PPME1: variants seen among roughly 807,000 people sequenced by gnomAD.
PPME1 encodes testicular secretory protein Li 39.
PPME1 carries 17 observed loss-of-function variants against 56.9 expected under a neutral mutation model. That is an observed-to-expected ratio of 0.30 (90% CI 0.20 to 0.45). The LOEUF (loss-of-function observed/expected upper bound fraction) is 0.45, where lower values mean the gene tolerates loss of function less well. Ranked by LOEUF, PPME1 falls within the 20% of genes least tolerant of loss-of-function variation. PPME1 has a pLI of 1.00. For missense variants in PPME1, 357 were observed against 483.2 expected (o/e 0.74, Z 2.45); for synonymous variants, 122 against 156.2 (o/e 0.78, Z 1.63).
chr11:74,199,906 T>A (rs1347826195), intron 1 of PPME1, among the ~76,000 whole-genome samples: 1 of 152,102 alleles, frequency 6.6e-6, no homozygotes. Flanking sequence ...ATGAGAACAG[T>A]ATAGGGGAAA....
chr11:74,190,635 G>C (rs1857810798), intron 1 of PPME1, among the ~76,000 whole-genome samples: 2 of 152,236 alleles, frequency 1.3e-5, no homozygotes, highest in Non-Finnish European at 2.9e-5. Flanking sequence ...CCGAAGAGTA[G>C]GATGTTGCTA....
intron 1 of PPME1, among the ~76,000 whole-genome samples, chr11:74,196,051 T>G (rs1434151028): frequency 6.6e-6 from 1 of 152,190 alleles, no homozygotes; most frequent in Non-Finnish European, 1.5e-5. Context: ...TTACTAATAA[T>G]CACTTTGCAA....
Position 74,203,724 on chromosome 11 carries a change from T to C in PPME1, c.102-4T>C. 1.2e-6 allele frequency: 2 copies of C among 1,606,006 alleles called. No homozygotes were observed. Among genetic ancestry groups the C allele is most frequent in the Non-Finnish European group, 1.7e-6 (2 of 1,176,440 alleles). On this transcript the variant is annotated splice_region_variant and splice_polypyrimidine_tract_variant and intron_variant, in intron 1 of 13. Transcript: ENST00000328257. ...TGAAATGTCTCTCTCTTTTTTTTCCTCAGCCCTGGAAGAAAGCGGGACTTT... is the reference window on the plus strand; with the variant it reads ...TGAAATGTCTCTCTCTTTTTTTTCCCCAGCCCTGGAAGAAAGCGGGACTTT...
At chr11:74,205,094 G>A (rs1288892533) in intron 3 of PPME1, 1 of 152,090 alleles carries the variant, frequency 6.6e-6, no homozygotes, top group African/African-American at 2.4e-5. Flanking sequence ...TTTTATTTAG[G>A]TGCTTTAGAT....
chr11:74,189,091 A>G (rs1206494499), intron 1 of PPME1, among the ~76,000 whole-genome samples: 1 of 152,146 alleles, frequency 6.6e-6, no homozygotes, highest in African/African-American at 2.4e-5. Flanking sequence ...TTTCCCCCTT[A>G]CATAAAAGAT....
chr11:74,196,351 C>T (rs1857981072), intron 1 of PPME1, among the ~76,000 whole-genome samples: 1 of 152,016 alleles, frequency 6.6e-6, no homozygotes, highest in African/African-American at 2.4e-5. Context: ...GAGTTTTACT[C>T]GTTTTTTACT....
At chr11:74,249,327 G>A (rs1301819526) in intron 11 of PPME1, 2 of 152,186 alleles carry the variant, frequency 1.3e-5, no homozygotes, top group Non-Finnish European at 2.9e-5. Context: ...TACCCCTTGG[G>A]TAAATAATTT....
At chr11:74,188,190 C>CTTTTTTTTT in intron 1 of PPME1, among the ~76,000 whole-genome samples, 1 of 136,762 alleles carries the variant, frequency 7.3e-6, no homozygotes, top group Non-Finnish European at 1.6e-5. Context: ...TCCTTTTTCT[C>CTTTTTTTTT]TTTTTTTTTT....
intron 1 of PPME1, among the ~76,000 whole-genome samples, chr11:74,187,311 G>C (rs1487754375): frequency 6.6e-6 from 1 of 152,268 alleles, no homozygotes; most frequent in East Asian, 1.9e-4. Flanking sequence ...GCATTGCTTT[G>C]AATCTATAGA....
intron 9 of PPME1, among the ~76,000 whole-genome samples, chr11:74,244,322 T>C (rs778293057): frequency 6.6e-6 from 1 of 152,202 alleles, no homozygotes; most frequent in Admixed American, 6.5e-5. Flanking sequence ...TAGTTCTGTT[T>C]TTAATATTTT....
At chr11:74,203,668 C>T in intron 1 of PPME1, 60 bp from the exon 2 acceptor site, 18 of 1,317,004 alleles carry the variant, frequency 1.4e-5, no homozygotes, top group Middle Eastern at 1.9e-4. Context: ...ATTTATTGAC[C>T]AAGATTTTAT....
chr11:74,215,190 A>C (rs990477200), intron 3 of PPME1, among the ~76,000 whole-genome samples: 2 of 152,124 alleles, frequency 1.3e-5, no homozygotes, highest in Admixed American at 1.3e-4. Flanking sequence ...TACAACAAAA[A>C]ATTGACTAAG....
chr11:74,184,212 A>G (rs1857612434), intron 1 of PPME1, among the ~76,000 whole-genome samples: 1 of 152,184 alleles, frequency 6.6e-6, no homozygotes, highest in South Asian at 2.1e-4. Context: ...CCTTTAATTA[A>G]ACAGCTTTTC....
intron 7 of PPME1, among the ~76,000 whole-genome samples, chr11:74,231,341 A>G (rs919773509): frequency 7.9e-5 from 12 of 152,218 alleles, no homozygotes; most frequent in African/African-American, 2.7e-4. Context: ...GGCCTCAAGT[A>G]ATCCTCCCAC....
intron 3 of PPME1, among the ~76,000 whole-genome samples, chr11:74,207,422 A>G (rs1858355620): frequency 6.6e-6 from 1 of 152,260 alleles, no homozygotes; most frequent in South Asian, 2.1e-4. Flanking sequence ...AAAAACAAAC[A>G]AACAAACAAC....
At chr11:74,239,074 C>A in intron 8 of PPME1, 59 bp from the exon 9 acceptor site, 1 of 1,507,978 alleles carries the variant, frequency 6.6e-7, no homozygotes, top group Non-Finnish European at 9.0e-7. Context: ...ATGAGTATCT[C>A]TGAGATAATT....
intron 9 of PPME1, among the ~76,000 whole-genome samples, chr11:74,244,277 T>C (rs776332692): frequency 6.6e-6 from 1 of 152,216 alleles, no homozygotes; most frequent in Non-Finnish European, 1.5e-5. Flanking sequence ...ATTCTTTGGA[T>C]ATGTACCCAG....
chr11:74,180,338 A>AT (rs1857499290), intron 1 of PPME1, among the ~76,000 whole-genome samples: 1 of 152,130 alleles, frequency 6.6e-6, no homozygotes, highest in South Asian at 2.1e-4. Flanking sequence ...TTGTGTCTGA[A>AT]TTTTGCTGGT....
intron 1 of PPME1, among the ~76,000 whole-genome samples, chr11:74,181,009 C>A: frequency 6.8e-6 from 1 of 147,642 alleles, no homozygotes. Context: ...ATTTTGTTGG[C>A]AATGCCTTCC....
Sources: allele counts gnomAD v4.1 joint callset (sites outside exome capture counted in the v4.1 genomes callset), GRCh38; gene constraint gnomAD v4.1.1; transcripts MANE v1.5; gene names NCBI Gene and HGNC (gene_info 2026-07-23, HGNC 2026-07-21).